The following ENOX1 variants were observed in gnomAD, a reference collection of about 807,000 sequenced individuals.
ENOX1 encodes candidate growth-related and time keeping constitutive hydroquinone (NADH) oxidase.
ENOX1 carries 42 observed loss-of-function variants against 82.5 expected under a neutral mutation model. That is an observed-to-expected ratio of 0.51 (90% CI 0.40 to 0.66). ENOX1 has a LOEUF of 0.66. Ranked by LOEUF, ENOX1 falls within the 30% of genes least tolerant of loss-of-function variation. The probability of loss-of-function intolerance (pLI) is 0.00; values close to 1 mark genes in which losing one functional copy is unlikely to be tolerated. For synonymous variants in ENOX1, 271 were observed against 282.2 expected (o/e 0.96, Z 0.40); for missense variants, 608 against 811.6 (o/e 0.75, Z 3.05).
chr13:43,220,151 A>G (rs1275058635), intron 16 of ENOX1, among the ~76,000 whole-genome samples: 1 of 152,156 alleles, frequency 6.6e-6, no homozygotes, highest in Non-Finnish European at 1.5e-5. Context: ...GTGAAGCAAG[A>G]AACTGGTAGA....
intron 2 of ENOX1, among the ~76,000 whole-genome samples, chr13:43,616,130 C>CTATATATAGATATCTATAGATATATAGA (rs1566640959): frequency 1.8e-4 from 8 of 45,690 alleles, no homozygotes; most frequent in Non-Finnish European, 1.9e-4. Context: ...CTATAGATAT[C>CTATATATAGATATCTATAGATATATAGA]TATCTATCTA....
At chr13:43,467,020 A>G (rs921425017) in intron 3 of ENOX1, among the ~76,000 whole-genome samples, 6 of 152,338 alleles carry the variant, frequency 3.9e-5, no homozygotes, top group African/African-American at 1.4e-4. Context: ...TTGTTCATCC[A>G]TTCATCAGCT....
At chr13:43,343,508 T>C (rs1190719572) in intron 9 of ENOX1, among the ~76,000 whole-genome samples, 5 of 152,244 alleles carry the variant, frequency 3.3e-5, no homozygotes, top group African/African-American at 1.2e-4. Flanking sequence ...TATGCTACGC[T>C]GCTGTAAAAC....
At chr13:43,413,109 A>G (rs1361469619) in intron 3 of ENOX1, 121 bp from the exon 4 acceptor site, 1 of 1,024,510 alleles carries the variant, frequency 9.8e-7, no homozygotes, top group Non-Finnish European at 1.3e-6. Context: ...TCTCAGGCAC[A>G]GAAGAAATGC....
intron 12 of ENOX1, among the ~76,000 whole-genome samples, chr13:43,277,126 A>G (rs184066294): frequency 1.6e-4 from 24 of 152,346 alleles, no homozygotes; most frequent in Non-Finnish European, 2.1e-4. Context: ...TTGTGTTCAC[A>G]GCCTAATATG....
intron 5 of ENOX1, among the ~76,000 whole-genome samples, chr13:43,364,725 C>T (rs1412507442): frequency 3.9e-5 from 6 of 152,096 alleles, no homozygotes; most frequent in Admixed American, 3.3e-4. Flanking sequence ...TTCCTGGGCA[C>T]GTATGACTGC....
chr13:43,752,574 G>A (rs956291555), intron 1 of ENOX1, among the ~76,000 whole-genome samples: 2 of 152,210 alleles, frequency 1.3e-5, no homozygotes, highest in South Asian at 2.1e-4. Flanking sequence ...ATGGTTTGAT[G>A]TTCATTTTTT....
At chr13:43,653,142 C>T (rs112846408) in intron 2 of ENOX1, among the ~76,000 whole-genome samples, 3,177 of 152,308 alleles carry the variant, frequency 0.021, 49 homozygotes, top group Middle Eastern at 0.041. Flanking sequence ...TGCTGCTCTG[C>T]TACTGGAGGT....
chr13:43,694,630 A>G (rs2086542077), intron 1 of ENOX1, among the ~76,000 whole-genome samples: 1 of 152,218 alleles, frequency 6.6e-6, no homozygotes, highest in Admixed American at 6.5e-5. Flanking sequence ...ATACTTGAAG[A>G]TTGCTGTCAC....
At chr13:43,393,381 T>A (rs576380273) in intron 5 of ENOX1, among the ~76,000 whole-genome samples, 4 of 152,206 alleles carry the variant, frequency 2.6e-5, no homozygotes, top group Admixed American at 6.5e-5. Flanking sequence ...TAAAATAGAT[T>A]AGATAAAAGG....
intron 5 of ENOX1, among the ~76,000 whole-genome samples, chr13:43,367,730 G>T (rs1028456871): frequency 7.3e-6 from 1 of 136,140 alleles, no homozygotes; most frequent in South Asian, 2.8e-4. Flanking sequence ...AAACAAATGG[G>T]GTTGAGGGTG....
chr13:43,598,401 T>C (rs1466024640), intron 2 of ENOX1, among the ~76,000 whole-genome samples: 2 of 152,192 alleles, frequency 1.3e-5, no homozygotes, highest in African/African-American at 2.4e-5. Flanking sequence ...ATTTCTCCTA[T>C]CCTCAAGCAG....
chr13:43,682,381 T>C (rs922444500), intron 1 of ENOX1, among the ~76,000 whole-genome samples: 2 of 152,182 alleles, frequency 1.3e-5, no homozygotes, highest in Admixed American at 6.5e-5. Context: ...ACGGTCTAAA[T>C]AGGTGTTTAC....
chr13:43,407,974 G>C (rs893406392), intron 5 of ENOX1, among the ~76,000 whole-genome samples: 3 of 152,250 alleles, frequency 2.0e-5, no homozygotes, highest in Non-Finnish European at 4.4e-5. Context: ...GGACTTTGGA[G>C]TATGGGATTT....
At chr13:43,702,407 G>A (rs1412292711) in intron 1 of ENOX1, among the ~76,000 whole-genome samples, 1 of 152,188 alleles carries the variant, frequency 6.6e-6, no homozygotes, top group East Asian at 1.9e-4. Flanking sequence ...TGATGCCAGA[G>A]GGGTTGGCTA....
At chr13:43,474,682 G>T (rs1286872564) in intron 3 of ENOX1, among the ~76,000 whole-genome samples, 2 of 152,116 alleles carry the variant, frequency 1.3e-5, no homozygotes, top group East Asian at 3.9e-4. Context: ...CTATTTCAAA[G>T]TTTGATGAAT....
At chr13:43,428,684 C>T (rs1029135372) in intron 3 of ENOX1, among the ~76,000 whole-genome samples, 2 of 152,180 alleles carry the variant, frequency 1.3e-5, no homozygotes, top group Admixed American at 6.5e-5. Flanking sequence ...CTCTCTAACA[C>T]GAGCTATCTC....
intron 2 of ENOX1, among the ~76,000 whole-genome samples, chr13:43,619,692 G>A (rs1444150608): frequency 6.6e-6 from 1 of 152,094 alleles, no homozygotes; most frequent in South Asian, 2.1e-4. Flanking sequence ...TGTTCATCAA[G>A]GATATCGGTC....
intron 3 of ENOX1, among the ~76,000 whole-genome samples, chr13:43,478,914 G>A (rs1023121507): frequency 3.8e-5 from 4 of 106,326 alleles, no homozygotes; most frequent in East Asian, 2.2e-4. Flanking sequence ...ATTATATTAC[G>A]GTAAAAGCCT....
Sources: allele counts gnomAD v4.1 joint callset (sites outside exome capture counted in the v4.1 genomes callset), GRCh38; gene constraint gnomAD v4.1.1; transcripts MANE v1.5; gene names NCBI Gene and HGNC (gene_info 2026-07-23, HGNC 2026-07-21).